HOXA3: variants seen among roughly 807,000 people sequenced by gnomAD.
HOXA3 encodes the protein homeobox A3.
HOXA3 carries 8 observed loss-of-function variants against 30.3 expected under a neutral mutation model. The observed-to-expected ratio is 0.26, with a 90% confidence interval of 0.15 to 0.48. The LOEUF (loss-of-function observed/expected upper bound fraction) is 0.48. Among genes scored for constraint, HOXA3 ranks in the 20% least tolerant of loss-of-function variants. The pLI is 0.99. For synonymous variants in HOXA3, 323 were observed against 273.1 expected, an observed-to-expected ratio of 1.18 and a Z score of -1.80; for missense variants, 653 against 614.4, an observed-to-expected ratio of 1.06 and a Z score of -0.66.
chr7:27,144,033 A>G (rs1410921951), intron 1 of HOXA3, among the ~76,000 whole-genome samples: 3 of 152,246 alleles, frequency 2.0e-5, no homozygotes, highest in African/African-American at 7.2e-5. Context: ...TCGCAGTTCC[A>G]TTAGGATGTA....
At chr7:27,141,543 CT>C in intron 1 of HOXA3, 2 of 242,120 alleles carry the variant, frequency 8.3e-6, no homozygotes, top group East Asian at 9.1e-5. Flanking sequence ...TTTCTCTTTT[CT>C]TTTTTTGTTA....
intron 2 of HOXA3, among the ~76,000 whole-genome samples, chr7:27,131,711 A>G (rs1277610542): frequency 2.0e-5 from 3 of 152,206 alleles, no homozygotes; most frequent in Non-Finnish European, 4.4e-5. Flanking sequence ...GAAAACAATA[A>G]CTTCCTATTT....
At chr7:27,141,979 T>C in intron 1 of HOXA3, 5 of 1,614,266 alleles carry the variant, frequency 3.1e-6, no homozygotes, top group Non-Finnish European at 4.2e-6. Flanking sequence ...CAATCCTCCT[T>C]CTGCGGGTCA....
At chr7:27,152,214 G>T in intron 1 of HOXA3, 74 bp downstream of exon 1, 1 of 924,388 alleles carries the variant, frequency 1.1e-6, no homozygotes, top group Non-Finnish European at 1.5e-6. Context: ...CTCCCTGGGT[G>T]CCCTCTCCCA....
chr7:27,110,537 G>T lies in HOXA3; in HGVS notation c.104C>A (p.Ala35Glu). The T allele has an allele frequency of 6.2e-7, 1 of 1,606,842 alleles. No homozygotes were observed. Among genetic ancestry groups the T allele is most frequent in the South Asian group, 1.1e-5 (1 of 90,988 alleles). The change falls in exon 5 of 6, where the codon GCG (alanine) becomes GAG (glutamate). Residue 35 changes from alanine to glutamate, a missense_variant. By Grantham distance (107) the Ala-to-Glu change is moderately radical (BLOSUM62 -1). Coordinates refer to ENST00000612286, the MANE Select transcript of HOXA3 (RefSeq NM_153631.3). ...AYNANQQPYPASAALGADGEY... is the reference protein window; with the variant it reads ...AYNANQQPYPESAALGADGEY... ...GCCGTCGGCGCCCAAAGCGGCGGAC[G>T]CCGGGTACGGCTGCTGATTGGCATT...
At chr7:27,149,945 G>A (rs1583415710) in intron 1 of HOXA3, 2 of 152,282 alleles carry the variant, frequency 1.3e-5, no homozygotes, top group South Asian at 4.1e-4. Flanking sequence ...GTGGGTCAGT[G>A]TCAATTTACT....
rs1406341406 is a variant in HOXA3 at position 27,110,438 on chromosome 7, C to T, written c.203G>A (p.Ser68Asn). The T allele has an allele frequency of 6.3e-7, 1 of 1,576,932 alleles. No homozygotes were observed. The highest frequency in any genetic ancestry group is 8.6e-7 in the Non-Finnish European group (1 of 1,160,842). Residue 68 changes from serine (S) to asparagine (N), a missense_variant, in exon 5 of 6, where the codon AGT becomes AAT. Physicochemically the swap from Ser to Asn is conservative, Grantham distance 46. Transcript: ENST00000612286. Reference sequence around the variant, plus strand: ...GCTCAGGGTGCGCAGGCACGCCTCACTCAGTTCGTGTGCCTTGGGGTGGCC... The same window carrying T: ...GCTCAGGGTGCGCAGGCACGCCTCATTCAGTTCGTGTGCCTTGGGGTGGCC... ...AGGHPKAHEL[S>N]EACLRTLSAP... is the part of the protein sequence containing the mutation.
intron 2 of HOXA3, among the ~76,000 whole-genome samples, chr7:27,139,164 A>C (rs532084965): frequency 6.6e-6 from 1 of 152,382 alleles, no homozygotes; most frequent in South Asian, 2.1e-4. Context: ...AAAGCGCTTT[A>C]ACCCCTTTCA....
intron 2 of HOXA3, among the ~76,000 whole-genome samples, chr7:27,131,081 C>T (rs1562723620): frequency 6.6e-6 from 1 of 152,154 alleles, no homozygotes; most frequent in African/African-American, 2.4e-5. Flanking sequence ...GGACCCCAGC[C>T]CCCCAGCTTT....
At position 27,130,902 on chromosome 7, in the gene HOXA3, A is replaced by G. The variant is rs1354178117; in HGVS notation, c.-389-3832T>C. On this transcript the variant is annotated intron_variant, in intron 2 of 5. Transcript: ENST00000612286. ...TCCCCCTCCCGCAGACGCCGCCACC[A>G]AAGTTCGAGCCGCTCCTCCCCAGCC... 4.1e-5 allele frequency: 26 copies of G among 626,878 alleles called. 1 individual carries two copies. Among genetic ancestry groups the G allele is most frequent in the Non-Finnish European group, 6.7e-5 (25 of 374,728 alleles). 38.8% of individuals were successfully genotyped at this position (626,878 alleles called of 1,614,324 possible). A position where few individuals can be genotyped will look rare whatever the true frequency, so the allele number is the denominator to read the frequency against.
rs78276647 is a variant in HOXA3 at position 27,110,469 on chromosome 7, C to A, written c.172G>T (p.Ala58Ser). 8.0e-4 allele frequency: 1,281 copies of A among 1,597,028 alleles called. 10 individuals are homozygous for A. In the African/African-American group the frequency reaches 0.015, roughly 19 times the overall value. ...TCGTGTGCCTTGGGGTGGCCCCCGG[C>A]GCTGGAGGGAGACTGGAGGGAGCAG... Reference protein sequence around the residue: ...PACSLQSPSSAGGHPKAHELS... With the variant: ...PACSLQSPSSSGGHPKAHELS... Residue 58 changes from alanine to serine, a missense_variant, in exon 5 of 6, where the codon GCC becomes TCC. By Grantham distance (99) the Ala-to-Ser change is moderately conservative. Transcript: ENST00000612286.
Position 27,143,150 on chromosome 7 carries a change from G to A in HOXA3, c.-493-2964C>T, listed in dbSNP as rs760731020. The A allele has an allele frequency of 5.6e-6, 9 of 1,609,528 alleles. No individual in the cohort carries two copies. In the East Asian group the frequency reaches 9.0e-5, roughly 16 times the overall value. On this transcript the variant is annotated intron_variant, in intron 1 of 5. Coordinates refer to ENST00000612286, the MANE Select transcript of HOXA3 (RefSeq NM_153631.3). ...ACTCGCCTGCTCGCTGCTGGCAGGG[G>A]CGTCCTCCTCGGCTCCGGACGCCGT...
rs767036407 is a variant in HOXA3 at position 27,110,497 on chromosome 7, G to C, written c.144C>G (p.Pro48=). 1 of 1,604,678 alleles carries C rather than the reference G, an allele frequency of 6.2e-7. No individual in the cohort carries two copies. The highest frequency in any genetic ancestry group is 1.1e-5 in the South Asian group (1 of 90,726). The change falls in exon 5 of 6, where the codon CCC becomes CCG. Residue 48 remains proline, a synonymous_variant. Transcript: ENST00000612286. ...ALGADGEYHR[P]ACSLQSPSSA... ...TGGAGGGAGACTGGAGGGAGCAGGC[G>C]GGTCGGTGGTACTCGCCGTCGGCGC...
In HOXA3 at chr7:27,143,255, C is replaced by T. The variant is rs1782638958; in HGVS notation, c.-493-3069G>A. The T allele has an allele frequency of 1.9e-6, 3 of 1,608,530 alleles. No homozygotes were observed. The East Asian group carries it at 6.7e-5, about 36-fold the overall frequency. ...GCTGGAGTTGCTTAGGGAGTTTTTC[C>T]CGCCGTGGTGGCTGTCGCTGCCGGG... is the stretch of plus-strand genomic sequence containing the variant. On this transcript the variant is annotated intron_variant, in intron 1 of 5. Transcript: ENST00000612286.
At chr7:27,132,949 T>A (rs992890565) in intron 2 of HOXA3, among the ~76,000 whole-genome samples, 1 of 152,232 alleles carries the variant, frequency 6.6e-6, no homozygotes, top group African/African-American at 2.4e-5. Context: ...TTGTTTAGCC[T>A]CAGAACCTTG....
At chr7:27,115,810 C>A (rs990584311) in intron 4 of HOXA3, 1 of 152,328 alleles carries the variant, frequency 6.6e-6, no homozygotes, top group African/African-American at 2.4e-5. Context: ...CCTCAGCGGG[C>A]AGAAGTGGGG....
chr7:27,128,901 G>T, intron 2 of HOXA3: 1 of 389,374 alleles, frequency 2.6e-6, no homozygotes, highest in Non-Finnish European at 4.8e-6. Context: ...CACTCAGCAT[G>T]GGCTGTCCAG....
intron 2 of HOXA3, among the ~76,000 whole-genome samples, chr7:27,127,666 T>G (rs1306460493): frequency 1.3e-5 from 2 of 152,210 alleles, no homozygotes; most frequent in African/African-American, 2.4e-5. Context: ...CAAATCTAAA[T>G]CAGTAAACAA....
At position 27,108,590 on chromosome 7, in the gene HOXA3, C is replaced by T; in HGVS notation, c.657G>A (p.Pro219=). The T allele has an allele frequency of 6.2e-7, 1 of 1,614,190 alleles. No individual in the cohort carries two copies. The highest frequency in any genetic ancestry group is 8.5e-7 in the Non-Finnish European group (1 of 1,180,006). ...EFHFNRYLCR[P]RRVEMANLLN... is the part of the protein sequence containing the mutation. The stretch of plus-strand genomic sequence containing the variant: ...GCAGATTGGCCATCTCCACCCGGCG[C>T]GGCCGGCACAGGTAGCGGTTGAAGT... The change falls in exon 6 of 6, where the codon CCG becomes CCA. Residue 219 remains proline (P), a synonymous_variant. Coordinates refer to ENST00000612286, the MANE Select transcript of HOXA3 (RefSeq NM_153631.3). This position sits in a 1 kb window ranked among gnomAD's most constrained non-coding sequence, Gnocchi z 5.0.
Sources: gnomAD v4.1 joint callset for allele counts (sites outside exome capture counted in the v4.1 genomes callset) on GRCh38, gnomAD v4.1.1 for gene constraint, Gnocchi (gnomAD v3.1) non-coding constraint, MANE v1.5 for transcripts, NCBI Gene and HGNC (gene_info 2026-07-23, HGNC 2026-07-21) for gene names.